Variants in DOCK1 observed in about 807,000 individuals in gnomAD.
DOCK1 encodes the protein dedicator of cytokinesis protein 1.
A neutral mutation model predicts 262.7 loss-of-function variants in DOCK1; 138 were observed. That is an observed-to-expected ratio of 0.53 (90% CI 0.46 to 0.61). The LOEUF (loss-of-function observed/expected upper bound fraction) is 0.61. DOCK1 is among the 20% of genes least tolerant of loss of function. The probability of loss-of-function intolerance (pLI) is 0.00; values close to 1 mark genes in which losing one functional copy is unlikely to be tolerated. For synonymous variants in DOCK1, 866 were observed against 867.4 expected, an observed-to-expected ratio of 1.00 and a Z score of 0.03; for missense variants, 1,908 against 2,370.7, an observed-to-expected ratio of 0.80 and a Z score of 4.05.
intron 38 of DOCK1, among the ~76,000 whole-genome samples, chr10:127,387,031 T>TGGGCAGGGCA (rs10550787): frequency 6.6e-6 from 1 of 151,506 alleles, no homozygotes; most frequent in South Asian, 2.1e-4. Context: ...TGCTACAGAA[T>TGGGCAGGGCA]GGGCAGGGCA....
intron 1 of DOCK1, among the ~76,000 whole-genome samples, chr10:126,915,979 C>T (rs946496519): frequency 1.3e-5 from 2 of 152,180 alleles, no homozygotes; most frequent in African/African-American, 4.8e-5. Flanking sequence ...AGTATGTATG[C>T]AATGAGAAAG....
intron 30 of DOCK1, among the ~76,000 whole-genome samples, chr10:127,340,471 G>A (rs143854633): frequency 1.3e-5 from 2 of 152,178 alleles, no homozygotes; most frequent in Non-Finnish European, 2.9e-5. Context: ...CGATATGAAT[G>A]TACCAACATT....
chr10:127,328,608 G>C (rs1728966059), intron 29 of DOCK1, among the ~76,000 whole-genome samples: 1 of 152,034 alleles, frequency 6.6e-6, no homozygotes, highest in African/African-American at 2.4e-5. Context: ...GCCAGGGACG[G>C]CAGGGATGCG....
In DOCK1 at chr10:126,974,389, T is replaced by C. The variant is rs150660697; in HGVS notation, c.131-3559T>C. On this transcript the variant is annotated intron_variant, in intron 2 of 51. Coordinates refer to ENST00000623213, the MANE Select transcript of DOCK1 (RefSeq NM_001290223.2). ...GATAGTGATGCATTTTCTTCTAAAATGACTAGACCGCCATTTTCCTGTGCT... is the reference window on the plus strand; with the variant it reads ...GATAGTGATGCATTTTCTTCTAAAACGACTAGACCGCCATTTTCCTGTGCT... Among the ~76,000 whole-genome samples the C allele has an allele frequency of 2.1e-3, 326 of 152,330 alleles. 2 individuals carry two copies. The highest frequency in any genetic ancestry group is 7.5e-3 in the African/African-American group (313 of 41,580).
intron 29 of DOCK1, among the ~76,000 whole-genome samples, chr10:127,304,106 G>T (rs1004532503): frequency 6.6e-6 from 1 of 152,160 alleles, no homozygotes; most frequent in Non-Finnish European, 1.5e-5. Flanking sequence ...CGTGCCAAGC[G>T]ATGGGGAACA....
intron 22 of DOCK1, among the ~76,000 whole-genome samples, chr10:127,055,894 G>C (rs1035056297): frequency 6.6e-6 from 1 of 152,166 alleles, no homozygotes; most frequent in Admixed American, 6.5e-5. Flanking sequence ...TCCTCTGAAT[G>C]CCTGCATTCT....
chr10:127,260,473 G>A (rs2059985231), intron 29 of DOCK1, among the ~76,000 whole-genome samples: 1 of 152,226 alleles, frequency 6.6e-6, no homozygotes, highest in African/African-American at 2.4e-5. Flanking sequence ...TACATAAAAT[G>A]TTATCCTGAA....
At chr10:127,333,822 T>C (rs2063085407) in intron 29 of DOCK1, among the ~76,000 whole-genome samples, 1 of 152,188 alleles carries the variant, frequency 6.6e-6, no homozygotes, top group African/African-American at 2.4e-5. Flanking sequence ...ACTTTACATT[T>C]TGTAAGGTGT....
At chr10:126,912,741 A>AAAG (rs1444604631) in intron 1 of DOCK1, among the ~76,000 whole-genome samples, 1 of 151,678 alleles carries the variant, frequency 6.6e-6, no homozygotes, top group Non-Finnish European at 1.5e-5. Context: ...AAAAAAAAAA[A>AAAG]AAAGAAAGAA....
At chr10:127,214,766 CA>C (rs1564909283) in intron 27 of DOCK1, among the ~76,000 whole-genome samples, 1 of 152,128 alleles carries the variant, frequency 6.6e-6, no homozygotes, top group African/African-American at 2.4e-5. Context: ...CAGAGGCCCC[CA>C]GTGTTTCTTA....
chr10:126,974,539 G>C (rs1295472021), intron 2 of DOCK1, among the ~76,000 whole-genome samples: 2 of 152,178 alleles, frequency 1.3e-5, no homozygotes, highest in East Asian at 3.9e-4. Context: ...GCCGTGCCAG[G>C]GAGAAGTTAA....
At chr10:127,374,534 C>T (rs58786051) in intron 35 of DOCK1, among the ~76,000 whole-genome samples, 201 of 152,228 alleles carry the variant, frequency 1.3e-3, no homozygotes, top group African/African-American at 4.6e-3. Flanking sequence ...AGACCATAAA[C>T]GCGTGCTATG....
At chr10:127,259,066 G>A (rs925280641) in intron 29 of DOCK1, among the ~76,000 whole-genome samples, 3 of 152,100 alleles carry the variant, frequency 2.0e-5, no homozygotes, top group Non-Finnish European at 4.4e-5. Context: ...TGTTCACCCC[G>A]CGTCAGATGT....
At chr10:127,348,846 A>C (rs958332602) in intron 31 of DOCK1, among the ~76,000 whole-genome samples, 10 of 152,232 alleles carry the variant, frequency 6.6e-5, no homozygotes, top group African/African-American at 2.4e-4. Flanking sequence ...GCCGTTTTGC[A>C]GCGTGACCTA....
intron 42 of DOCK1, 138 bp from the exon 43 acceptor site, chr10:127,410,702 C>T: frequency 1.4e-6 from 1 of 700,368 alleles, no homozygotes; most frequent in South Asian, 2.4e-5. Context: ...GGAGAGGACA[C>T]CAAGGCGATG....
At chr10:126,929,002 C>T (rs1174914976) in intron 1 of DOCK1, among the ~76,000 whole-genome samples, 1 of 152,186 alleles carries the variant, frequency 6.6e-6, no homozygotes, top group African/African-American at 2.4e-5. Flanking sequence ...TCACATGTCT[C>T]ATTTGACGAG....
At chr10:127,136,770 G>A (rs2050737907) in intron 27 of DOCK1, 2 of 152,602 alleles carry the variant, frequency 1.3e-5, no homozygotes, top group South Asian at 2.1e-4. Context: ...AAATGTAGGC[G>A]ACATTGTCCC....
At chr10:127,342,221 G>C (rs999624798) in intron 30 of DOCK1, among the ~76,000 whole-genome samples, 8 of 152,146 alleles carry the variant, frequency 5.3e-5, no homozygotes, top group Admixed American at 2.0e-4. Flanking sequence ...AATACAGGTG[G>C]CTGCAGCCAG....
At chr10:126,984,974 C>CTTTTTTTTTTTTTT (rs553086410) in intron 4 of DOCK1, among the ~76,000 whole-genome samples, 1 of 85,128 alleles carries the variant, frequency 1.2e-5, no homozygotes, top group Admixed American at 1.6e-4. Flanking sequence ...ATGTCCCATT[C>CTTTTTTTTTTTTTT]TTTTTTTTTT....
Sources: gnomAD v4.1 joint callset for allele counts (sites outside exome capture counted in the v4.1 genomes callset) on GRCh38, gnomAD v4.1.1 for gene constraint, MANE v1.5 for transcripts, NCBI Gene and HGNC (gene_info 2026-07-23, HGNC 2026-07-21) for gene names.